Variants in TSPYL4 observed in about 807,000 individuals in gnomAD.
TSPYL4 encodes testis-specific Y-encoded-like protein 4.
A neutral mutation model predicts 24.2 loss-of-function variants in TSPYL4; 22 were observed. The ratio of observed to expected loss-of-function variants is 0.91; its 90% confidence interval spans 0.65 to 1.30. The LOEUF (loss-of-function observed/expected upper bound fraction) is 1.30, where lower values mean the gene tolerates loss of function less well. Among genes scored for constraint, TSPYL4 ranks in the 50% most tolerant of loss-of-function variants. TSPYL4 has a pLI of 0.00. For synonymous variants in TSPYL4, 211 were observed against 208.2 expected (o/e 1.01, Z -0.12); for missense variants, 569 against 536.7 (o/e 1.06, Z -0.60).
Position 116,253,808 on chromosome 6 carries a change from G to A in TSPYL4, c.201C>T (p.Val67=), listed in dbSNP as rs1343734701. The A allele has an allele frequency of 3.7e-6, 6 of 1,607,602 alleles. No individual in the cohort carries two copies. The highest frequency in any genetic ancestry group is 5.1e-6 in the Non-Finnish European group (6 of 1,176,848). The change falls in exon 1 of 1, where the codon GTC becomes GTT. Residue 67 remains valine, a synonymous_variant. Coordinates refer to ENST00000420283, the MANE Select transcript of TSPYL4 (RefSeq NM_021648.5). This position sits in a 1 kb window ranked among gnomAD's most constrained non-coding sequence, Gnocchi z 4.3. ...GGACGCGGAGCGCGGGGCCACAGTC[G>A]ACAGGATCCTGGGATGCACCCCCCT... ...VAEGGASQDP[V]DCGPALRVPV... is the part of the protein sequence containing the mutation.
rs981791544 is a variant in TSPYL4 at position 116,251,524 on chromosome 6, C to T, written c.*1240G>A. 1.5e-4 allele frequency: 51 copies of T among 331,548 alleles called. 1 individual carries two copies. The highest frequency in any genetic ancestry group is 1.1e-3 in the African/African-American group (51 of 47,110). The allele number at this position is 331,548 out of a possible 1,614,324, so 20.5% of individuals were successfully genotyped here. A position where few individuals can be genotyped will look rare whatever the true frequency, so the allele number is the denominator to read the frequency against. ...TGGAGCCCATTTAATCATAACCTTT[C>T]TCTCTGAACACAATCAGGGAAAGAG... is the stretch of plus-strand genomic sequence containing the variant. On this transcript the variant is annotated 3_prime_UTR_variant, in exon 1 of 1. Transcript: ENST00000420283.
chr6:116,250,207 A>G lies in TSPYL4; in HGVS notation c.*2557T>C, dbSNP rs1324064194. On this transcript the variant is annotated 3_prime_UTR_variant, in exon 1 of 1. Transcript: ENST00000420283. The stretch of plus-strand genomic sequence containing the variant: ...GAGGTTATTTTCACAAGACATAGCT[A>G]TAATTTGTAAAATATTCAGACTATT... The G allele has an allele frequency of 6.6e-6, 1 of 152,630 alleles. No homozygotes were observed. The highest frequency in any genetic ancestry group is 1.5e-5 in the Non-Finnish European group (1 of 68,044). 9.5% of individuals were successfully genotyped at this position (152,630 alleles called of 1,614,324 possible).
rs368304091 is a variant in TSPYL4, at chr6:116,253,820, G to A, written c.189C>T (p.Ser63=). 16 of 1,610,488 alleles carry A rather than the reference G, an allele frequency of 9.9e-6. No homozygotes were observed. In the African/African-American group the frequency reaches 1.7e-4, roughly 17 times the overall value. ...CGGGGCCACAGTCGACAGGATCCTGGGATGCACCCCCCTCCGCAACGGTCT... is the reference window on the plus strand; with the variant it reads ...CGGGGCCACAGTCGACAGGATCCTGAGATGCACCCCCCTCCGCAACGGTCT... ...SLETVAEGGA[S]QDPVDCGPAL... is the part of the protein sequence containing the mutation. Residue 63 remains serine, a synonymous_variant, in exon 1 of 1, where the codon TCC becomes TCT. Coordinates refer to ENST00000420283, the MANE Select transcript of TSPYL4 (RefSeq NM_021648.5). This position sits in a 1 kb window ranked among gnomAD's most constrained non-coding sequence, Gnocchi z 4.3.
At position 116,253,742 on chromosome 6, in the gene TSPYL4, C is replaced by T. The variant is rs1772019338; in HGVS notation, c.267G>A (p.Gly89=). 1 of 1,588,034 alleles carries T rather than the reference C, an allele frequency of 6.3e-7. No individual in the cohort carries two copies. Among genetic ancestry groups the T allele is most frequent in the Middle Eastern group, 1.7e-4 (1 of 6,030 alleles). ...TCGTAGAAGGTGGAGCATCCTCCTG[C>T]CCGGCTTTGGTCGCTGCACCGCCGC... The part of the protein sequence containing the change: ...GSRGGAATKA[G]QEDAPPSTKG... The change falls in exon 1 of 1, where the codon GGG becomes GGA. Residue 89 remains glycine (G), a synonymous_variant. Transcript: ENST00000420283. This position sits in a 1 kb window ranked among gnomAD's most constrained non-coding sequence, Gnocchi z 4.3.
rs1350844147 is a variant in TSPYL4 at position 116,251,460 on chromosome 6, A to G, written c.*1304T>C. 2 of 388,630 alleles carry G rather than the reference A, an allele frequency of 5.1e-6. No individual in the cohort carries two copies. The highest frequency in any genetic ancestry group is 3.7e-5 in the East Asian group (1 of 27,350). 24.1% of individuals were successfully genotyped at this position (388,630 alleles called of 1,614,324 possible). ...CCCTTTGAAACTTTCAGACCTTGCT[A>G]AAAGAAGTGGGGTGGAGGAATAAGG... On this transcript the variant is annotated 3_prime_UTR_variant, in exon 1 of 1. Coordinates refer to ENST00000420283, the MANE Select transcript of TSPYL4 (RefSeq NM_021648.5).
chr6:116,253,036 A>T lies in TSPYL4; in HGVS notation c.973T>A (p.Ser325Thr). 1 of 1,614,042 alleles carries T rather than the reference A, an allele frequency of 6.2e-7. No individual in the cohort carries two copies. The highest frequency in any genetic ancestry group is 8.5e-7 in the Non-Finnish European group (1 of 1,180,000). The change falls in exon 1 of 1, where the codon TCT becomes ACT. Residue 325 changes from serine to threonine, a missense_variant. Physicochemically the swap from Ser to Thr is moderately conservative, Grantham distance 58. Transcript: ENST00000420283. The surrounding 1 kb of genome is among the most constrained non-coding windows in gnomAD (Gnocchi z 4.3). Reference protein sequence around the residue: ...YERRSSGRVVSLSTPIRWHRG... With the variant: ...YERRSSGRVVTLSTPIRWHRG... The stretch of plus-strand genomic sequence containing the variant: ...TGCCAGCGGATTGGAGTGGAAAGAG[A>T]CACCACCCGGCCAGAGGATCTGCGT...
rs1333457568 is a variant in TSPYL4 at position 116,253,853 on chromosome 6, G to T, written c.156C>A (p.Gly52=). 1.2e-6 allele frequency: 2 copies of T among 1,613,360 alleles called. No homozygotes were observed. Among genetic ancestry groups the T allele is most frequent in the South Asian group, 2.2e-5 (2 of 90,874 alleles). Residue 52 remains glycine, a synonymous_variant, in exon 1 of 1, where the codon GGC becomes GGA. Transcript: ENST00000420283. The surrounding 1 kb of genome is among the most constrained non-coding windows in gnomAD (Gnocchi z 4.3). The stretch of plus-strand genomic sequence containing the variant: ...CCCCCTCCGCAACGGTCTCCAGGCT[G>T]CCCCCACCTGTGTTCGCCATCACCT... The part of the protein sequence containing the change: ...ATQVMANTGG[G]SLETVAEGGA...
Position 116,251,173 on chromosome 6 carries a change from C to T in TSPYL4, c.*1591G>A, listed in dbSNP as rs1771945003. 2.5e-6 allele frequency: 1 copy of T among 398,616 alleles called. No homozygotes were observed. Among genetic ancestry groups the T allele is most frequent in the Non-Finnish European group, 4.4e-6 (1 of 226,106 alleles). The allele number at this position is 398,616 out of a possible 1,614,324, so 24.7% of individuals were successfully genotyped here. ...ACAAAATGCTACCCTAGAAGCAGTC[C>T]AAGGCCCAAAAAAGAATTTCCATCT... On this transcript the variant is annotated 3_prime_UTR_variant, in exon 1 of 1. Transcript: ENST00000420283.
Position 116,254,003 on chromosome 6 carries a change from G to C in TSPYL4, c.6C>G (p.Ser2Arg). The C allele has an allele frequency of 6.4e-7, 1 of 1,565,924 alleles. No homozygotes were observed. Among genetic ancestry groups the C allele is most frequent in the Non-Finnish European group, 8.6e-7 (1 of 1,157,304 alleles). The stretch of plus-strand genomic sequence containing the variant: ...GGAGCTTGTTGCCCCCATCCAGGCC[G>C]CTCATTTTGGAAGAAGTCAGACTAG... M[S>R]GLDGGNKLPL... Residue 2 changes from serine to arginine, a missense_variant, in exon 1 of 1, where the codon AGC becomes AGG. By Grantham distance (110) the Ser-to-Arg change is moderately radical. Coordinates refer to ENST00000420283, the MANE Select transcript of TSPYL4 (RefSeq NM_021648.5).
Position 116,252,804 on chromosome 6 carries a change from G to C in TSPYL4, c.1205C>G (p.Pro402Arg). 6.3e-7 allele frequency: 1 copy of C among 1,599,312 alleles called. No homozygotes were observed. Among genetic ancestry groups the C allele is most frequent in the Non-Finnish European group, 8.5e-7 (1 of 1,172,282 alleles). Reference sequence around the variant, plus strand: ...CCTGAAGGATCTGGCGCTCTCCACTGGCTGCCTTGGTGGGCCTCGAATTCC... The same window carrying C: ...CCTGAAGGATCTGGCGCTCTCCACTCGCTGCCTTGGTGGGCCTCGAATTCC... ...RRGIRGPPRQPVESARSFRFQ... is the reference protein window; with the variant it reads ...RRGIRGPPRQRVESARSFRFQ... Residue 402 changes from proline to arginine, a missense_variant, in exon 1 of 1, where the codon CCA becomes CGA. By Grantham distance (103) the Pro-to-Arg change is moderately radical (BLOSUM62 -2). Coordinates refer to ENST00000420283, the MANE Select transcript of TSPYL4 (RefSeq NM_021648.5).
rs1771948029 is a variant in TSPYL4, at chr6:116,251,338, C to A, written c.*1426G>T. Reference sequence around the variant, plus strand: ...TCTCAAACTAAAAACTCAAGAAATACACAGGTTTTGGTAGAATGGATGGGG... The same window carrying A: ...TCTCAAACTAAAAACTCAAGAAATAAACAGGTTTTGGTAGAATGGATGGGG... On this transcript the variant is annotated 3_prime_UTR_variant, in exon 1 of 1. Transcript: ENST00000420283. 2 of 398,626 alleles carry A rather than the reference C, an allele frequency of 5.0e-6. No individual in the cohort carries two copies. The highest frequency in any genetic ancestry group is 4.4e-5 in the Admixed American group (1 of 22,744). 24.7% of individuals were successfully genotyped at this position (398,626 alleles called of 1,614,324 possible).
Position 116,253,541 on chromosome 6 carries a change from T to G in TSPYL4, c.468A>C (p.Lys156Asn). 6.4e-7 allele frequency: 1 copy of G among 1,551,824 alleles called. No individual in the cohort carries two copies. ...TTTCCACTGCTGCCGAGATGGCGCG[T>G]TTTTTAGTCGTCACTTCCTTGGCCT... ...GKKAKEVTTK[K>N]RAISAAVEKE... The change falls in exon 1 of 1, where the codon AAA becomes AAC. Residue 156 changes from lysine to asparagine, a missense_variant. Coordinates refer to ENST00000420283, the MANE Select transcript of TSPYL4 (RefSeq NM_021648.5). This position sits in a 1 kb window ranked among gnomAD's most constrained non-coding sequence, Gnocchi z 4.3.
At position 116,252,793 on chromosome 6, in the gene TSPYL4, C is replaced by A. The variant is rs1337501324; in HGVS notation, c.1216G>T (p.Ala406Ser). The change falls in exon 1 of 1, where the codon GCC (alanine) becomes TCC (serine). Residue 406 changes from alanine (A) to serine (S), a missense_variant. By Grantham distance (99) the Ala-to-Ser change is moderately conservative. Transcript: ENST00000420283. ...RGPPRQPVES[A>S]RSFRFQSG ...CCAGACTGGAACCTGAAGGATCTGG[C>A]GCTCTCCACTGGCTGCCTTGGTGGG... is the stretch of plus-strand genomic sequence containing the variant. The A allele has an allele frequency of 6.3e-7, 1 of 1,597,988 alleles. No individual in the cohort carries two copies. Among genetic ancestry groups the A allele is most frequent in the South Asian group, 1.1e-5 (1 of 88,404 alleles).
rs776826016 is a variant in TSPYL4, at chr6:116,253,743, C to G, written c.266G>C (p.Gly89Ala). The change falls in exon 1 of 1, where the codon GGG becomes GCG. Residue 89 changes from glycine (G) to alanine (A), a missense_variant. Transcript: ENST00000420283. This position sits in a 1 kb window ranked among gnomAD's most constrained non-coding sequence, Gnocchi z 4.3. The stretch of plus-strand genomic sequence containing the variant: ...CGTAGAAGGTGGAGCATCCTCCTGC[C>G]CGGCTTTGGTCGCTGCACCGCCGCG... ...GSRGGAATKA[G>A]QEDAPPSTKG... 1 of 1,588,742 alleles carries G rather than the reference C, an allele frequency of 6.3e-7. No homozygotes were observed. Among genetic ancestry groups the G allele is most frequent in the Non-Finnish European group, 8.6e-7 (1 of 1,166,480 alleles).
In TSPYL4 at chr6:116,253,521, A is replaced by G; in HGVS notation, c.488T>C (p.Val163Ala). 2 of 1,548,584 alleles carry G rather than the reference A, an allele frequency of 1.3e-6. No individual in the cohort carries two copies. The highest frequency in any genetic ancestry group is 4.9e-5 in the East Asian group (2 of 40,750). ...TTKKRAISAA[V>A]EKEGEAGAAM... is the part of the protein sequence containing the mutation. ...CGCCCCTGCTTCTCCCTCCTTTTCC[A>G]CTGCTGCCGAGATGGCGCGTTTTTT... Residue 163 changes from valine to alanine, a missense_variant, in exon 1 of 1, where the codon GTG becomes GCG. Coordinates refer to ENST00000420283, the MANE Select transcript of TSPYL4 (RefSeq NM_021648.5). The surrounding 1 kb of genome is among the most constrained non-coding windows in gnomAD (Gnocchi z 4.3).
chr6:116,253,543 T>G lies in TSPYL4; in HGVS notation c.466A>C (p.Lys156Gln). ...TCCACTGCTGCCGAGATGGCGCGTT[T>G]TTTAGTCGTCACTTCCTTGGCCTTC... ...GKKAKEVTTK[K>Q]RAISAAVEKE... Residue 156 changes from lysine to glutamine, a missense_variant, in exon 1 of 1, where the codon AAA becomes CAA. Physicochemically the swap from Lys to Gln is moderately conservative, Grantham distance 53 (BLOSUM62 1). Coordinates refer to ENST00000420283, the MANE Select transcript of TSPYL4 (RefSeq NM_021648.5). The surrounding 1 kb of genome is among the most constrained non-coding windows in gnomAD (Gnocchi z 4.3). 1.3e-6 allele frequency: 2 copies of G among 1,551,926 alleles called. No homozygotes were observed. The highest frequency in any genetic ancestry group is 2.4e-5 in the South Asian group (2 of 84,060).
rs995833932 is a variant in TSPYL4, at chr6:116,251,354, A to G, written c.*1410T>C. 7.5e-6 allele frequency: 3 copies of G among 398,174 alleles called. No homozygotes were observed. Among genetic ancestry groups the G allele is most frequent in the Non-Finnish European group, 1.3e-5 (3 of 226,012 alleles). The allele number at this position is 398,174 out of a possible 1,614,324, so 24.7% of individuals were successfully genotyped here. On this transcript the variant is annotated 3_prime_UTR_variant, in exon 1 of 1. Coordinates refer to ENST00000420283, the MANE Select transcript of TSPYL4 (RefSeq NM_021648.5). ...CAAGAAATACACAGGTTTTGGTAGA[A>G]TGGATGGGGTAAAAAGATAAATATG...
chr6:116,251,104 A>AT lies in TSPYL4; in HGVS notation c.*1659_*1660insA. On this transcript the variant is annotated 3_prime_UTR_variant, in exon 1 of 1. Transcript: ENST00000420283. The stretch of plus-strand genomic sequence containing the variant: ...AGGCAGTAGGATGGAGACCCAAGGG[A>AT]CATCAGGGCAGAAACAAAATAGTAC... 1 of 398,414 alleles carries AT rather than the reference A, an allele frequency of 2.5e-6. No homozygotes were observed. Among genetic ancestry groups the AT allele is most frequent in the Admixed American group, 4.4e-5 (1 of 22,730 alleles). 24.7% of individuals were successfully genotyped at this position (398,414 alleles called of 1,614,324 possible). A position where few individuals can be genotyped will look rare whatever the true frequency, so the allele number is the denominator to read the frequency against.
chr6:116,253,019 G>A lies in TSPYL4; in HGVS notation c.990C>T (p.Ile330=), dbSNP rs1165308703. ...GGGGGTCTTGGCCTCGGTGCCAGCGGATTGGAGTGGAAAGAGACACCACCC... is the reference window on the plus strand; with the variant it reads ...GGGGGTCTTGGCCTCGGTGCCAGCGAATTGGAGTGGAAAGAGACACCACCC... ...SGRVVSLSTP[I]RWHRGQDPQA... Residue 330 remains isoleucine, a synonymous_variant, in exon 1 of 1, where the codon ATC becomes ATT. Coordinates refer to ENST00000420283, the MANE Select transcript of TSPYL4 (RefSeq NM_021648.5). This position sits in a 1 kb window ranked among gnomAD's most constrained non-coding sequence, Gnocchi z 4.3. 1.9e-6 allele frequency: 3 copies of A among 1,614,204 alleles called. No homozygotes were observed. The highest frequency in any genetic ancestry group is 1.7e-6 in the Non-Finnish European group (2 of 1,180,042).
Sources: allele counts gnomAD v4.1 joint callset, GRCh38; gene constraint gnomAD v4.1.1; non-coding constraint Gnocchi (gnomAD v3.1); transcripts MANE v1.5; gene names NCBI Gene and HGNC (gene_info 2026-07-23, HGNC 2026-07-21).